Variants in TTC7A observed in about 807,000 individuals in gnomAD.
TTC7A encodes the protein tetratricopeptide repeat protein 7A.
In TTC7A, 110 loss-of-function variants were observed where a neutral mutation model predicts 103.7. The ratio of observed to expected loss-of-function variants is 1.06; its 90% confidence interval spans 0.91 to 1.24. The LOEUF (loss-of-function observed/expected upper bound fraction) is 1.24. Ranked by LOEUF, TTC7A falls within the 50% of genes most tolerant of loss-of-function variation. The pLI, the probability that TTC7A is intolerant of heterozygous loss-of-function variation, is 0.00. For missense variants in TTC7A, 1,340 were observed against 1,116.3 expected (o/e 1.20, Z -2.86); for synonymous variants, 521 against 467.9 (o/e 1.11, Z -1.47).
chr2:46,983,800 T>G (rs2104310086), intron 5 of TTC7A, among the ~76,000 whole-genome samples: 1 of 152,338 alleles, frequency 6.6e-6, no homozygotes, highest in Non-Finnish European at 1.5e-5. Flanking sequence ...TTATTTGCCC[T>G]TTAGAGAAAA....
chr2:47,060,230 C>T lies in TTC7A; in HGVS notation c.2153-539C>T, dbSNP rs1391004086. On this transcript the variant is annotated intron_variant, in intron 18 of 19. Coordinates refer to ENST00000319190, the MANE Select transcript of TTC7A (RefSeq NM_020458.4). ...ACCAAAAATACAAAAATTAGCCAGG[C>T]GTGGTGGTGCGTGCCTGTAACCCCA... 3.9e-5 allele frequency among the ~76,000 whole-genome samples: 6 copies of T among 152,088 alleles called. No individual in the cohort carries two copies. In the East Asian group the frequency reaches 5.8e-4, roughly 15 times the overall value.
intron 11 of TTC7A, among the ~76,000 whole-genome samples, chr2:47,016,918 G>T (rs1678716932): frequency 6.6e-6 from 1 of 152,124 alleles, no homozygotes; most frequent in South Asian, 2.1e-4. Flanking sequence ...AAAATTTGAG[G>T]CCGGGCAAGG....
At position 46,956,967 on chromosome 2, in the gene TTC7A, G is replaced by T. The variant is rs762482748; in HGVS notation, c.477G>T (p.Leu159=). ...IDDMSMENKP[L]YQMRLLSEAF... is the part of the protein sequence containing the mutation. ...ACATGTCCATGGAGAACAAGCCCCT[G>T]TATCAGATGCGGCTGCTGTCGGAGG... Residue 159 remains leucine, a synonymous_variant, in exon 3 of 20, where the codon CTG becomes CTT. Transcript: ENST00000319190. 3.7e-6 allele frequency: 6 copies of T among 1,614,218 alleles called. No homozygotes were observed. The highest frequency in any genetic ancestry group is 5.1e-6 in the Non-Finnish European group (6 of 1,180,036).
At chr2:46,989,609 CCTCT>C (rs986453841) in intron 5 of TTC7A, among the ~76,000 whole-genome samples, 3 of 148,532 alleles carry the variant, frequency 2.0e-5, no homozygotes, top group African/African-American at 7.4e-5. Context: ...GCCACTGGGA[CCTCT>C]CTATTTTTTT....
At chr2:47,030,437 C>T (rs997343947) in intron 15 of TTC7A, among the ~76,000 whole-genome samples, 1 of 152,208 alleles carries the variant, frequency 6.6e-6, no homozygotes, top group Non-Finnish European at 1.5e-5. Context: ...TCCTTGGCCT[C>T]CTTCAGACGA....
At chr2:47,044,159 C>G (rs567150539) in intron 15 of TTC7A, among the ~76,000 whole-genome samples, 98 of 152,324 alleles carry the variant, frequency 6.4e-4, no homozygotes, top group African/African-American at 2.2e-3. Flanking sequence ...AGCCTCTTCT[C>G]TCTCCCTGAC....
intron 5 of TTC7A, among the ~76,000 whole-genome samples, chr2:46,988,927 T>C (rs1198489771): frequency 3.3e-5 from 5 of 152,156 alleles, no homozygotes; most frequent in Non-Finnish European, 5.9e-5. Flanking sequence ...TGTTGGAACA[T>C]AGGGATTTAT....
chr2:47,029,613 C>T (rs764697029), intron 15 of TTC7A, among the ~76,000 whole-genome samples: 1 of 152,208 alleles, frequency 6.6e-6, no homozygotes, highest in Non-Finnish European at 1.5e-5. Context: ...ACATGCTGCT[C>T]CTCAGCCCCC....
rs757840064 is a variant in TTC7A, at chr2:46,957,012, C to T, written c.517+5C>T. On this transcript the variant is annotated splice_donor_5th_base_variant and intron_variant, in intron 3 of 19. Coordinates refer to ENST00000319190, the MANE Select transcript of TTC7A (RefSeq NM_020458.4). ...CGGAGGCTTTTGTCATCAAAGGTAG[C>T]TGTGGGCACCAGCCTGGGCTCCCCT... 1 of 1,614,100 alleles carries T rather than the reference C, an allele frequency of 6.2e-7. No homozygotes were observed. Among genetic ancestry groups the T allele is most frequent in the Non-Finnish European group, 8.5e-7 (1 of 1,179,974 alleles).
intron 3 of TTC7A, among the ~76,000 whole-genome samples, chr2:46,966,906 T>TG (rs1475295414): frequency 6.6e-5 from 10 of 151,478 alleles, no homozygotes; most frequent in Admixed American, 6.6e-5. Flanking sequence ...TTTTGTTTTT[T>TG]TTTTTTCCGT....
chr2:47,025,567 T>TTGAGAG (rs1679812037), intron 14 of TTC7A, among the ~76,000 whole-genome samples: 3 of 152,186 alleles, frequency 2.0e-5, no homozygotes, highest in Admixed American at 1.3e-4. Flanking sequence ...TCTCACCCCA[T>TTGAGAG]GCCTAGACCC....
chr2:46,978,959 C>G, intron 5 of TTC7A, 52 bp downstream of exon 5: 3 of 1,368,742 alleles, frequency 2.2e-6, no homozygotes, highest in Non-Finnish European at 3.1e-6. Context: ...TGGGCTGAGG[C>G]TTTTGACGTG....
chr2:47,003,903 CG>C (rs1433278545), intron 8 of TTC7A, among the ~76,000 whole-genome samples: 1 of 152,188 alleles, frequency 6.6e-6, no homozygotes, highest in Non-Finnish European at 1.5e-5. Context: ...AGTACATCGC[CG>C]GGGACAGAAC....
chr2:46,944,907 C>T (rs1162898167), intron 1 of TTC7A, among the ~76,000 whole-genome samples: 2 of 150,280 alleles, frequency 1.3e-5, no homozygotes, highest in Non-Finnish European at 3.0e-5. Flanking sequence ...CTAACAATTA[C>T]GTTTTACAAT....
chr2:46,962,422 A>G (rs913446035), intron 3 of TTC7A, among the ~76,000 whole-genome samples: 5 of 152,134 alleles, frequency 3.3e-5, no homozygotes, highest in African/African-American at 9.7e-5. Context: ...GACCTCTTGC[A>G]GTTGTATCCC....
At chr2:46,931,508 G>A (rs1019400233) in intron 2 of TTC7A, among the ~76,000 whole-genome samples, 2 of 151,502 alleles carry the variant, frequency 1.3e-5, no homozygotes, top group Admixed American at 6.6e-5. Flanking sequence ...CTTTCTAAGA[G>A]GGAAACAGGA....
chr2:47,033,840 G>A (rs2104619453), intron 15 of TTC7A, among the ~76,000 whole-genome samples: 1 of 152,282 alleles, frequency 6.6e-6, no homozygotes, highest in African/African-American at 2.4e-5. Context: ...GGAAGGCCAG[G>A]TAGTCCAGGA....
At chr2:46,934,787 CTT>C (rs1161003607) in intron 2 of TTC7A, among the ~76,000 whole-genome samples, 22,672 of 67,050 alleles carry the variant, frequency 0.34, 5,537 homozygotes, top group East Asian at 0.54. Context: ...GACTACTGCT[CTT>C]TTTTTTTTTT....
At chr2:46,958,541 C>G (rs1672096158) in intron 3 of TTC7A, 1 of 1,303,622 alleles carries the variant, frequency 7.7e-7, no homozygotes, top group African/African-American at 1.5e-5. Context: ...GGTCAGAGGT[C>G]CTGCAGGGGA....
Sources: allele counts gnomAD v4.1 joint callset (sites outside exome capture counted in the v4.1 genomes callset), GRCh38; gene constraint gnomAD v4.1.1; transcripts MANE v1.5; gene names NCBI Gene and HGNC (gene_info 2026-07-23, HGNC 2026-07-21).